The following TRPC5 variants were observed in gnomAD, a reference collection of about 807,000 sequenced individuals.
TRPC5 encodes short transient receptor potential channel 5.
A neutral mutation model predicts 56.5 loss-of-function variants in TRPC5; 9 were observed. The ratio of observed to expected loss-of-function variants is 0.16; its 90% CI spans 0.10 to 0.28. The LOEUF is 0.28. TRPC5 is among the 10% of genes least tolerant of loss of function. The pLI is 1.00. For synonymous variants in TRPC5, 282 were observed against 278.5 expected, an observed-to-expected ratio of 1.01 and a Z score of -0.13; for missense variants, 469 against 748.9, an observed-to-expected ratio of 0.63 and a Z score of 4.36.
chrX:112,074,937 C>T (rs1268271450), intron 1 of TRPC5, among the ~76,000 whole-genome samples: 1 of 112,390 alleles, frequency 8.9e-6, no homozygotes, highest in East Asian at 2.8e-4. Context: ...CTTGGCATAA[C>T]TGCCCCGTAA....
rs964703371 is a variant in TRPC5 at position 111,768,464 on chromosome X, A to G, written c.*7849T>C. ...AATTTCAACCCCATTTTTGAGAAAT[A>G]TGGAATAAATAGAATCCTGTGAAGA... is the stretch of plus-strand genomic sequence containing the variant. On this transcript the variant is annotated 3_prime_UTR_variant, in exon 11 of 11. Coordinates refer to ENST00000262839, the MANE Select transcript of TRPC5 (RefSeq NM_012471.3). Among the ~76,000 whole-genome samples the G allele has an allele frequency of 8.9e-6, 1 of 112,055 alleles. No individual in the cohort carries two copies. The highest frequency in any genetic ancestry group is 1.9e-5 in the Non-Finnish European group (1 of 53,177).
At chrX:111,965,159 G>A (rs1927524675) in intron 1 of TRPC5, among the ~76,000 whole-genome samples, 1 of 110,794 alleles carries the variant, frequency 9.0e-6, no homozygotes, top group South Asian at 3.8e-4. Flanking sequence ...AACAAAAAAA[G>A]GCAGGGGTTG....
chrX:111,844,568 C>T (rs1405704210), intron 6 of TRPC5, among the ~76,000 whole-genome samples: 7 of 105,743 alleles, frequency 6.6e-5, no homozygotes, highest in African/African-American at 1.7e-4. Context: ...TGGGTTCAAG[C>T]GATTCTCCTG....
In TRPC5 at chrX:111,893,085, T is replaced by G. The variant is rs765349863; in HGVS notation, c.900+19206A>C. Among the ~76,000 whole-genome samples, 444 of 109,161 alleles carry G rather than the reference T, an allele frequency of 4.1e-3. 5 individuals carry two copies. The highest frequency in any genetic ancestry group is 6.3e-3 in the Non-Finnish European group (328 of 52,424). The allele number at this position is 109,161 out of a possible 115,157, so 94.8% of individuals were successfully genotyped here. ...GTTGAAATTCAAATATAGGGTTTTT[T>G]TTTTTTTTTTCGGATACCAGATCCT... On this transcript the variant is annotated intron_variant, in intron 3 of 10. Coordinates refer to ENST00000262839, the MANE Select transcript of TRPC5 (RefSeq NM_012471.3).
Position 111,915,220 on chromosome X carries a change from GGTT to G in TRPC5, c.379-2411_379-2409del, listed in dbSNP as rs1476132985. Among the ~76,000 whole-genome samples the G allele has an allele frequency of 1.8e-4, 20 of 112,216 alleles. 1 individual carries two copies. Among genetic ancestry groups the G allele is most frequent in the Admixed American group, 1.5e-3 (16 of 10,597 alleles). ...CCCCACTTGTATGATAGAGCCAAAA[GGTT>G]GTTGTTGTCTATGCCTAGAATATGA... On this transcript the variant is annotated intron_variant, in intron 2 of 10. Transcript: ENST00000262839.
Position 112,034,529 on chromosome X carries a change from A to G in TRPC5, c.-22+47350T>C, listed in dbSNP as rs762907292. Among the ~76,000 whole-genome samples, 3 of 110,579 alleles carry G rather than the reference A, an allele frequency of 2.7e-5. No homozygotes were observed. In the South Asian group the frequency reaches 1.1e-3, roughly 42 times the overall value. On this transcript the variant is annotated intron_variant, in intron 1 of 10. Transcript: ENST00000262839. ...GCATTTGTTTGTTAGCTTTTTCTGC[A>G]TCATTTGAGATGAAGATGTGGTTTT...
intron 5 of TRPC5, 34 bp from the exon 6 acceptor site, chrX:111,847,470 T>A: frequency 2.7e-6 from 3 of 1,096,348 alleles, no homozygotes; most frequent in Non-Finnish European, 3.7e-6. Flanking sequence ...AGATGAGGGG[T>A]ACAGTGAACA....
At chrX:111,923,042 G>T (rs775517481) in intron 2 of TRPC5, among the ~76,000 whole-genome samples, 2 of 111,275 alleles carry the variant, frequency 1.8e-5, no homozygotes, top group South Asian at 3.8e-4. Flanking sequence ...GAGAAGCTAA[G>T]TGTCTTGGCC....
At chrX:112,029,112 T>G (rs1396955367) in intron 1 of TRPC5, among the ~76,000 whole-genome samples, 2 of 111,335 alleles carry the variant, frequency 1.8e-5, no homozygotes, top group Non-Finnish European at 3.8e-5. Context: ...TTTGTGCCAA[T>G]TAACCATCCC....
intron 3 of TRPC5, among the ~76,000 whole-genome samples, chrX:111,876,503 TTC>T (rs1165291586): frequency 8.9e-5 from 10 of 111,956 alleles, no homozygotes. Context: ...TTTATGTAAA[TTC>T]TCTTTTTCCT....
chrX:111,985,050 C>A (rs1928177117), intron 1 of TRPC5, among the ~76,000 whole-genome samples: 1 of 112,197 alleles, frequency 8.9e-6, no homozygotes, highest in Non-Finnish European at 1.9e-5. Flanking sequence ...TGGGAATCAC[C>A]ATCACCATTT....
intron 1 of TRPC5, among the ~76,000 whole-genome samples, chrX:111,995,051 A>G (rs1179279945): frequency 8.9e-6 from 1 of 111,994 alleles, no homozygotes; most frequent in Non-Finnish European, 1.9e-5. Flanking sequence ...CCAGTTTTCA[A>G]AGGGAATACT....
intron 3 of TRPC5, among the ~76,000 whole-genome samples, chrX:111,897,970 A>G (rs1925148795): frequency 9.0e-6 from 1 of 110,763 alleles, no homozygotes; most frequent in Non-Finnish European, 1.9e-5. Context: ...CCAAAAACAT[A>G]ATATGATTTT....
chrX:111,940,604 T>C (rs187744363), intron 2 of TRPC5, among the ~76,000 whole-genome samples: 1 of 102,194 alleles, frequency 9.8e-6, no homozygotes, highest in African/African-American at 3.7e-5. Context: ...GGCAGGAGAA[T>C]GGCGTGAACC....
intron 7 of TRPC5, among the ~76,000 whole-genome samples, chrX:111,822,892 T>C (rs1922075933): frequency 9.0e-6 from 1 of 111,442 alleles, no homozygotes; most frequent in African/African-American, 3.3e-5. Flanking sequence ...TCATGACAAT[T>C]ACTGATGTTC....
rs1451382902 is a variant in TRPC5 at position 111,773,896 on chromosome X, T to C, written c.*2417A>G. Among the ~76,000 whole-genome samples the C allele has an allele frequency of 9.0e-6, 1 of 111,645 alleles. No individual in the cohort carries two copies. The highest frequency in any genetic ancestry group is 3.3e-5 in the African/African-American group (1 of 30,739). On this transcript the variant is annotated 3_prime_UTR_variant, in exon 11 of 11. Transcript: ENST00000262839. ...GAGAGTAAGGAAGTGAACAAAATCT[T>C]TTTCCTTTCCTACTTTGTACTGAAT...
At chrX:112,024,371 C>A (rs766182933) in intron 1 of TRPC5, among the ~76,000 whole-genome samples, 40 of 111,790 alleles carry the variant, frequency 3.6e-4, no homozygotes, top group African/African-American at 1.3e-3. Context: ...AAGGCTGACC[C>A]TTCTGAGAGT....
intron 3 of TRPC5, among the ~76,000 whole-genome samples, chrX:111,859,397 G>T (rs1167161846): frequency 8.9e-6 from 1 of 112,209 alleles, no homozygotes; most frequent in African/African-American, 3.2e-5. Context: ...ACAAATTATG[G>T]TAGCAGTGGT....
Position 111,776,463 on chromosome X carries a change from G to C in TRPC5, c.2772C>G (p.Ser924Arg). 1 of 1,211,190 alleles carries C rather than the reference G, an allele frequency of 8.3e-7. No individual in the cohort carries two copies. Among genetic ancestry groups the C allele is most frequent in the East Asian group, 3.0e-5 (1 of 33,776 alleles). ...AGATGCTGGATGCACAGTGAAGAGA[G>C]CTGGAACAGGCTAGAGGGCATTCAC... Reference protein sequence around the residue: ...QSSECPLACSSSLHCASSICS... With the variant: ...QSSECPLACSRSLHCASSICS... The change falls in exon 11 of 11, where the codon AGC becomes AGG. Residue 924 changes from serine (S) to arginine (R), a missense_variant. Physicochemically the swap from Ser to Arg is moderately radical, Grantham distance 110 (BLOSUM62 -1). Around this residue, in one of 3 missense-constraint regions of TRPC5, gnomAD observed 194 missense variants for 221.8 expected, o/e 0.87. Transcript: ENST00000262839.
Sources: allele counts gnomAD v4.1 joint callset (sites outside exome capture counted in the v4.1 genomes callset), GRCh38; gene constraint gnomAD v4.1.1; regional missense constraint gnomAD v4.1.1; transcripts MANE v1.5; gene names NCBI Gene and HGNC (gene_info 2026-07-23, HGNC 2026-07-21).